ZMAT4: variants seen among roughly 807,000 people sequenced by gnomAD.
The protein encoded by ZMAT4 is zinc finger matrin-type 4.
ZMAT4 carries 17 observed loss-of-function variants against 28.7 expected under a neutral mutation model. The observed-to-expected ratio is 0.59, with a 90% CI of 0.41 to 0.89. The LOEUF (loss-of-function observed/expected upper bound fraction) is 0.89, where lower values mean the gene tolerates loss of function less well. Ranked by LOEUF, ZMAT4 falls within the 40% of genes least tolerant of loss-of-function variation. The pLI, the probability that ZMAT4 is intolerant of heterozygous loss-of-function variation, is 0.00. For missense variants in ZMAT4, 240 were observed against 283.8 expected (o/e 0.85, Z 1.11); for synonymous variants, 117 against 109.2 (o/e 1.07, Z -0.44).
intron 6 of ZMAT4, among the ~76,000 whole-genome samples, chr8:40,542,417 C>A (rs751891406): frequency 2.0e-5 from 3 of 152,098 alleles, no homozygotes; most frequent in Non-Finnish European, 4.4e-5. Flanking sequence ...GAGACAGGAT[C>A]TCACTCTGTC....
At chr8:40,845,101 C>G (rs904541572) in intron 1 of ZMAT4, among the ~76,000 whole-genome samples, 5 of 152,190 alleles carry the variant, frequency 3.3e-5, no homozygotes, top group African/African-American at 1.2e-4. Flanking sequence ...CCGAGCGAGT[C>G]TCTGGGTAGA....
chr8:40,651,326 A>G lies in ZMAT4; in HGVS notation c.577+23378T>C, dbSNP rs547801581. Among the ~76,000 whole-genome samples the G allele has an allele frequency of 6.6e-5, 10 of 152,344 alleles. No individual in the cohort carries two copies. In the East Asian group the frequency reaches 1.9e-3, roughly 29 times the overall value. The stretch of plus-strand genomic sequence containing the variant: ...AAATCATGAGTGAACTCTCATTCAC[A>G]ATTGCTTTAAAGAGAATAAAATACC... On this transcript the variant is annotated intron_variant, in intron 5 of 6. Transcript: ENST00000297737.
At chr8:40,856,681 C>T (rs1249908869) in intron 1 of ZMAT4, among the ~76,000 whole-genome samples, 1 of 152,168 alleles carries the variant, frequency 6.6e-6, no homozygotes, top group Non-Finnish European at 1.5e-5. Context: ...CATATTTCCC[C>T]AGGTGACATT....
At chr8:40,857,576 A>G (rs1817343718) in intron 1 of ZMAT4, among the ~76,000 whole-genome samples, 1 of 152,222 alleles carries the variant, frequency 6.6e-6, no homozygotes, top group Non-Finnish European at 1.5e-5. Flanking sequence ...TGTAGGTGAA[A>G]GGAAAAAATG....
chr8:40,615,726 T>C (rs959513096), intron 5 of ZMAT4, among the ~76,000 whole-genome samples: 5 of 152,252 alleles, frequency 3.3e-5, no homozygotes, highest in East Asian at 1.9e-4. Flanking sequence ...AATCGGATAC[T>C]GAAACTTGTG....
At chr8:40,601,279 T>G (rs1805294324) in intron 5 of ZMAT4, among the ~76,000 whole-genome samples, 1 of 151,588 alleles carries the variant, frequency 6.6e-6, no homozygotes, top group African/African-American at 2.4e-5. Flanking sequence ...GAAACTGCAG[T>G]CCAGGGTACT....
At chr8:40,865,545 C>A (rs973570966) in intron 1 of ZMAT4, among the ~76,000 whole-genome samples, 11 of 152,286 alleles carry the variant, frequency 7.2e-5, no homozygotes, top group Middle Eastern at 3.4e-3. Flanking sequence ...GGACAATGAC[C>A]ATCAACATCC....
chr8:40,591,611 GA>G (rs140623217), intron 5 of ZMAT4, among the ~76,000 whole-genome samples: 37,712 of 152,044 alleles, frequency 0.25, 5,594 homozygotes, highest in Non-Finnish European at 0.34. Context: ...AAAAGATGCA[GA>G]AAAAACAGCC....
intron 1 of ZMAT4, among the ~76,000 whole-genome samples, chr8:40,834,057 T>C (rs1317805382): frequency 3.9e-5 from 6 of 152,214 alleles, no homozygotes; most frequent in Admixed American, 3.9e-4. Context: ...ATAATTGCCT[T>C]TTAATGGCAC....
At chr8:40,868,353 G>T (rs1817742317) in intron 1 of ZMAT4, among the ~76,000 whole-genome samples, 1 of 152,170 alleles carries the variant, frequency 6.6e-6, no homozygotes. Flanking sequence ...TGTGCCTGCA[G>T]CTCCTTGCAG....
At chr8:40,643,137 A>G (rs2118773562) in intron 5 of ZMAT4, among the ~76,000 whole-genome samples, 1 of 152,272 alleles carries the variant, frequency 6.6e-6, no homozygotes, top group Admixed American at 6.5e-5. Context: ...CTGCCTTCCC[A>G]GTGTGTTTAA....
At chr8:40,564,095 C>T (rs2118480813) in intron 6 of ZMAT4, among the ~76,000 whole-genome samples, 1 of 152,172 alleles carries the variant, frequency 6.6e-6, no homozygotes, top group African/African-American at 2.4e-5. Context: ...TTGGTCTGTC[C>T]TCCAAAAAGA....
chr8:40,692,255 G>A lies in ZMAT4; in HGVS notation c.349+4990C>T, dbSNP rs569704533. 7.9e-5 allele frequency among the ~76,000 whole-genome samples: 12 copies of A among 152,208 alleles called. No homozygotes were observed. In the South Asian group the frequency reaches 1.9e-3, roughly 24 times the overall value. The stretch of plus-strand genomic sequence containing the variant: ...TACTGAAGACACACATAACCCTAGG[G>A]CCACTTCAAACTCTGAAGGGTCAAA... On this transcript the variant is annotated intron_variant, in intron 4 of 6. Transcript: ENST00000297737.
chr8:40,582,567 G>A (rs1804526872), intron 5 of ZMAT4, among the ~76,000 whole-genome samples: 1 of 152,132 alleles, frequency 6.6e-6, no homozygotes, highest in Admixed American at 6.5e-5. Context: ...GTAAATGCCA[G>A]GACTGAAAGC....
chr8:40,706,709 T>A (rs1211354814), intron 3 of ZMAT4, among the ~76,000 whole-genome samples: 3 of 152,222 alleles, frequency 2.0e-5, no homozygotes, highest in Non-Finnish European at 4.4e-5. Flanking sequence ...AGACATAATA[T>A]GCTCCAAGCA....
intron 5 of ZMAT4, among the ~76,000 whole-genome samples, chr8:40,610,248 A>T (rs1805747053): frequency 6.6e-6 from 1 of 152,240 alleles, no homozygotes; most frequent in African/African-American, 2.4e-5. Flanking sequence ...AGAGACACCC[A>T]TCAATCAACT....
intron 1 of ZMAT4, among the ~76,000 whole-genome samples, chr8:40,882,976 C>T (rs920275605): frequency 6.6e-6 from 1 of 152,140 alleles, no homozygotes; most frequent in Non-Finnish European, 1.5e-5. Context: ...GGCACTCAAC[C>T]TTGCCGTCTA....
At chr8:40,569,377 T>TA in intron 6 of ZMAT4, among the ~76,000 whole-genome samples, 1 of 152,344 alleles carries the variant, frequency 6.6e-6, no homozygotes, top group African/African-American at 2.4e-5. Context: ...AAAATTCTAC[T>TA]AAAGTTTTTG....
At chr8:40,738,563 C>T (rs1282389017) in intron 3 of ZMAT4, among the ~76,000 whole-genome samples, 1 of 152,166 alleles carries the variant, frequency 6.6e-6, no homozygotes, top group Non-Finnish European at 1.5e-5. Flanking sequence ...ATGCAAGCAG[C>T]AAGGAAGAAG....
Sources: allele counts gnomAD v4.1 joint callset (sites outside exome capture counted in the v4.1 genomes callset), GRCh38; gene constraint gnomAD v4.1.1; transcripts MANE v1.5; gene names NCBI Gene and HGNC (gene_info 2026-07-23, HGNC 2026-07-21).